Variants in MEGF6 observed in about 807,000 individuals in gnomAD.
The protein encoded by MEGF6 is multiple epidermal growth factor-like domains protein 6.
Under a neutral mutation model 207.1 loss-of-function variants are expected in MEGF6, and 184 were observed. That is an observed-to-expected ratio of 0.89 (90% CI 0.79 to 1.00). The LOEUF is 1.00. Ranked by LOEUF, MEGF6 falls within the 50% of genes least tolerant of loss-of-function variation. MEGF6 has a pLI of 0.00. For synonymous variants in MEGF6, 1,038 were observed against 910.0 expected, an observed-to-expected ratio of 1.14 and a Z score of -2.53; for missense variants, 2,282 against 2,202.9, an observed-to-expected ratio of 1.04 and a Z score of -0.72.
In MEGF6 at chr1:3,497,293, G is replaced by T; in HGVS notation, c.3421C>A (p.His1141Asn). ...CAGCGGCAGGCCCCAGTGACGTGGT[G>T]GCAGGCAGCGCCAGGCGGGCAGCTG... Reference protein sequence around the residue: ...RCSCPPGAACHHVTGACRCPP... With the variant: ...RCSCPPGAACNHVTGACRCPP... Residue 1141 changes from histidine (H) to asparagine (N), a missense_variant, in exon 27 of 37, where the codon CAC becomes AAC. His to Asn is a moderately conservative substitution (Grantham distance 68, BLOSUM62 1). Coordinates refer to ENST00000356575, the MANE Select transcript of MEGF6 (RefSeq NM_001409.4). The T allele has an allele frequency of 6.4e-7, 1 of 1,550,572 alleles. No individual in the cohort carries two copies.
intron 4 of MEGF6, among the ~76,000 whole-genome samples, chr1:3,558,511 C>G (rs560681859): frequency 1.6e-4 from 25 of 152,266 alleles, no homozygotes; most frequent in South Asian, 4.2e-4. Context: ...ATCAACCCTA[C>G]CCCCTTCCTG....
intron 4 of MEGF6, among the ~76,000 whole-genome samples, chr1:3,528,394 G>C (rs1467079191): frequency 6.6e-6 from 1 of 152,244 alleles, no homozygotes; most frequent in Non-Finnish European, 1.5e-5. Context: ...CGGTGACCCT[G>C]GCTGCGGCTG....
intron 4 of MEGF6, among the ~76,000 whole-genome samples, chr1:3,553,876 G>A (rs531504289): frequency 2.1e-4 from 32 of 152,326 alleles, no homozygotes; most frequent in South Asian, 4.1e-4. Flanking sequence ...AGGTGGGCCC[G>A]GGAGCACCCC....
In MEGF6 at chr1:3,494,399, G is replaced by T. The variant is rs548409358; in HGVS notation, c.4101C>A (p.Pro1367=). 4.5e-6 allele frequency: 7 copies of T among 1,553,214 alleles called. No homozygotes were observed. Among genetic ancestry groups the T allele is most frequent in the Non-Finnish European group, 6.1e-6 (7 of 1,153,534 alleles). The change falls in exon 32 of 37, where the codon CCC becomes CCA. Residue 1367 remains proline (P), a synonymous_variant. Coordinates refer to ENST00000356575, the MANE Select transcript of MEGF6 (RefSeq NM_001409.4). The part of the protein sequence containing the change: ...EPATGTCRCG[P]GFYGQACEHP... ...GCTCGCAGGCCTGGCCATAGAAGCC[G>T]GGGCCGCAGCGGCAGGTGCCCGTGG...
chr1:3,520,824 C>T (rs545928927), intron 5 of MEGF6, among the ~76,000 whole-genome samples: 1 of 152,312 alleles, frequency 6.6e-6, no homozygotes, highest in Non-Finnish European at 1.5e-5. Flanking sequence ...CTCTCTGCCT[C>T]AGAGACAAGT....
Position 3,512,088 on chromosome 1 carries a change from A to G in MEGF6, c.894T>C (p.His298=), listed in dbSNP as rs757244764. 6.3e-5 allele frequency: 101 copies of G among 1,612,060 alleles called. No individual in the cohort carries two copies. Among genetic ancestry groups the G allele is most frequent in the Admixed American group, 1.7e-4 (10 of 59,946 alleles). Residue 298 remains histidine, a synonymous_variant, in exon 8 of 37, where the codon CAT becomes CAC. Transcript: ENST00000356575. ...ECAAGLAQCA[H]GCLNTQGSFK... ...AGGACCCCTGGGTGTTGAGGCAGCC[A>G]TGGGCACACTGGGCCAGCCCTGCGG...
At chr1:3,511,293 G>A (rs556938891) in intron 9 of MEGF6, among the ~76,000 whole-genome samples, 1 of 152,212 alleles carries the variant, frequency 6.6e-6, no homozygotes, top group Non-Finnish European at 1.5e-5. Context: ...TACTGAGGAG[G>A]TGCTGATGGG....
At chr1:3,501,759 C>G (rs576777134) in intron 18 of MEGF6, 37 bp downstream of exon 18, 4 of 1,605,014 alleles carry the variant, frequency 2.5e-6, no homozygotes, top group African/African-American at 1.3e-5. Flanking sequence ...GCCGTGCAGC[C>G]TGGGGAGGCG....
Position 3,585,914 on chromosome 1 carries a change from G to T in MEGF6, c.377-5985C>A, listed in dbSNP as rs111203518. 8.4e-5 allele frequency among the ~76,000 whole-genome samples: 12 copies of T among 143,206 alleles called. No homozygotes were observed. The South Asian group carries it at 2.5e-3, about 30-fold the overall frequency. 93.9% of individuals were successfully genotyped at this position (143,206 alleles called of 152,430 possible). A position where few individuals can be genotyped will look rare whatever the true frequency, so the allele number is the denominator to read the frequency against. ...TGTGTGTGGACACGTCCTGTGTGTG[G>T]GTGTGAGTGACACATGTCCTGTGTG... is the stretch of plus-strand genomic sequence containing the variant. On this transcript the variant is annotated intron_variant, in intron 3 of 36. Coordinates refer to ENST00000356575, the MANE Select transcript of MEGF6 (RefSeq NM_001409.4).
chr1:3,601,959 C>G (rs1386414819), intron 2 of MEGF6, among the ~76,000 whole-genome samples: 1 of 152,390 alleles, frequency 6.6e-6, no homozygotes, highest in South Asian at 2.1e-4. Flanking sequence ...GACACGGGGG[C>G]TGCCAGCTCC....
intron 36 of MEGF6, 144 bp from the exon 37 acceptor site, chr1:3,490,733 C>T (rs1445968073): frequency 8.5e-7 from 1 of 1,175,150 alleles, no homozygotes; most frequent in Non-Finnish European, 1.2e-6. Flanking sequence ...CCATCCTTCC[C>T]AGCCTGTCCT....
At chr1:3,520,541 CCA>C (rs1641706015) in intron 5 of MEGF6, among the ~76,000 whole-genome samples, 1 of 152,140 alleles carries the variant, frequency 6.6e-6, no homozygotes, top group African/African-American at 2.4e-5. Context: ...TCTTCCCACC[CCA>C]GAGACCGGGC....
At chr1:3,589,283 G>C (rs192650883) in intron 3 of MEGF6, among the ~76,000 whole-genome samples, 41 of 152,268 alleles carry the variant, frequency 2.7e-4, no homozygotes, top group African/African-American at 8.9e-4. Flanking sequence ...CTCTCCTCCA[G>C]AACTGTGAGA....
At chr1:3,548,367 T>G (rs1321917710) in intron 4 of MEGF6, among the ~76,000 whole-genome samples, 4 of 152,192 alleles carry the variant, frequency 2.6e-5, no homozygotes, top group African/African-American at 4.8e-5. Flanking sequence ...CACAGTCCCA[T>G]GAGAACGGGC....
rs1307010385 is a variant in MEGF6, at chr1:3,524,191, G to A, written c.537C>T (p.Thr179=). 6.2e-7 allele frequency: 1 copy of A among 1,612,896 alleles called. No individual in the cohort carries two copies. Among genetic ancestry groups the A allele is most frequent in the Non-Finnish European group, 8.5e-7 (1 of 1,179,912 alleles). Residue 179 remains threonine, a synonymous_variant, in exon 5 of 37, where the codon ACC becomes ACT. Coordinates refer to ENST00000356575, the MANE Select transcript of MEGF6 (RefSeq NM_001409.4). ...NGGCQHRCVN[T]PGSYLCECKP... The stretch of plus-strand genomic sequence containing the variant: ...TGCACTCACAGAGGTAGGAGCCTGG[G>A]GTGTTCACGCACCGGTGCTGGCAGC...
intron 10 of MEGF6, among the ~76,000 whole-genome samples, chr1:3,510,202 C>T (rs374459056): frequency 1.3e-5 from 2 of 152,136 alleles, no homozygotes; most frequent in East Asian, 1.9e-4. Flanking sequence ...ATGGCAGACA[C>T]GTGCTAGGGG....
intron 23 of MEGF6, 51 bp from the exon 24 acceptor site, chr1:3,499,317 G>A: frequency 2.6e-6 from 4 of 1,554,228 alleles, no homozygotes; most frequent in East Asian, 4.6e-5. Context: ...GACCCCAGGG[G>A]TTGGCAGCAG....
In MEGF6 at chr1:3,512,113, G is replaced by A; in HGVS notation, c.869C>T (p.Ala290Val). 1 of 1,608,514 alleles carries A rather than the reference G, an allele frequency of 6.2e-7. No individual in the cohort carries two copies. The highest frequency in any genetic ancestry group is 1.1e-5 in the South Asian group (1 of 90,790). ...ATGGGCACACTGGGCCAGCCCTGCG[G>A]CACATTCGTCCACATCTGGAGGGGA... ...GKACEDVDECAAGLAQCAHGC... is the reference protein window; with the variant it reads ...GKACEDVDECVAGLAQCAHGC... The change falls in exon 8 of 37, where the codon GCC becomes GTC. Residue 290 changes from alanine to valine, a missense_variant. Coordinates refer to ENST00000356575, the MANE Select transcript of MEGF6 (RefSeq NM_001409.4).
At chr1:3,602,339 A>G (rs559613486) in intron 2 of MEGF6, 127 bp downstream of exon 2, 33 of 1,386,754 alleles carry the variant, frequency 2.4e-5, no homozygotes, top group East Asian at 2.3e-4. Flanking sequence ...TGAGGGCTTC[A>G]GGCAGGGGTT....
Sources: gnomAD v4.1 joint callset for allele counts (sites outside exome capture counted in the v4.1 genomes callset) on GRCh38, gnomAD v4.1.1 for gene constraint, MANE v1.5 for transcripts, NCBI Gene and HGNC (gene_info 2026-07-23, HGNC 2026-07-21) for gene names.